MAK: variants seen among roughly 807,000 people sequenced by gnomAD.
The protein encoded by MAK is male germ cell associated kinase.
MAK carries 65 observed loss-of-function variants against 82.6 expected under a neutral mutation model. The ratio of observed to expected loss-of-function variants is 0.79; its 90% CI spans 0.64 to 0.97. The LOEUF (loss-of-function observed/expected upper bound fraction) is 0.97, where lower values mean the gene tolerates loss of function less well. Ranked by LOEUF, MAK falls within the 50% of genes least tolerant of loss-of-function variation. MAK has a pLI of 0.00. For missense variants in MAK, 703 were observed against 780.2 expected (o/e 0.90, Z 1.18); for synonymous variants, 250 against 274.2 (o/e 0.91, Z 0.87).
intron 11 of MAK, among the ~76,000 whole-genome samples, chr6:10,777,430 T>C (rs933722263): frequency 4.2e-4 from 64 of 151,854 alleles, no homozygotes; most frequent in African/African-American, 1.5e-3. Flanking sequence ...AAAATGTATT[T>C]ACCCAAAAAG....
chr6:10,827,998 G>A (rs1778509069), intron 2 of MAK, among the ~76,000 whole-genome samples: 1 of 152,076 alleles, frequency 6.6e-6, no homozygotes, highest in African/African-American at 2.4e-5. Context: ...TTTATCATAA[G>A]TTTTTTAAGA....
At chr6:10,821,890 G>A (rs1270847683) in intron 2 of MAK, among the ~76,000 whole-genome samples, 1 of 151,278 alleles carries the variant, frequency 6.6e-6, no homozygotes, top group African/African-American at 2.4e-5. Context: ...GCTCACACCT[G>A]TAATCCCAGC....
At chr6:10,795,618 T>C (rs955561869) in intron 9 of MAK, among the ~76,000 whole-genome samples, 2 of 150,662 alleles carry the variant, frequency 1.3e-5, no homozygotes, top group African/African-American at 4.9e-5. Flanking sequence ...GTGGTGGGCG[T>C]CTGTAATCCC....
At chr6:10,788,454 A>G (rs1458696831) in intron 10 of MAK, among the ~76,000 whole-genome samples, 1 of 152,138 alleles carries the variant, frequency 6.6e-6, no homozygotes, top group Non-Finnish European at 1.5e-5. Flanking sequence ...TCAAGTCGCC[A>G]GGTGCGGTGG....
Position 10,808,703 on chromosome 6 carries a change from G to A in MAK, c.491+107C>T, listed in dbSNP as rs3817829. 0.015 allele frequency: 16,290 copies of A among 1,086,382 alleles called. 1,408 individuals carry two copies. In the African/African-American group the frequency reaches 0.21, roughly 14 times the overall value. 67.3% of individuals were successfully genotyped at this position (1,086,382 alleles called of 1,614,324 possible). On this transcript the variant is annotated intron_variant, in intron 6 of 14. Transcript: ENST00000354489. ...TTTAAAGAATATAAAATTCAATTCTGTGTTTTAAATATTCAATATGGAACT... is the reference window on the plus strand; with the variant it reads ...TTTAAAGAATATAAAATTCAATTCTATGTTTTAAATATTCAATATGGAACT...
intron 5 of MAK, among the ~76,000 whole-genome samples, chr6:10,811,871 G>A (rs778494334): frequency 2.0e-5 from 3 of 152,018 alleles, no homozygotes; most frequent in Non-Finnish European, 4.4e-5. Context: ...AATAATTCCT[G>A]TAGCAGTTAA....
In MAK at chr6:10,776,862, G is replaced by A. The variant is rs951325654; in HGVS notation, c.1466-1403C>T. On this transcript the variant is annotated intron_variant, in intron 11 of 14. Coordinates refer to ENST00000354489, the MANE Select transcript of MAK (RefSeq NM_001242957.3). This position sits in a 1 kb window ranked among gnomAD's most constrained non-coding sequence, Gnocchi z 4.3. ...AGCACTTTGGGAGGCCGAGGCGGGC[G>A]GATCACGAGGTCAGGAGTTTGAGAC... Among the ~76,000 whole-genome samples the A allele has an allele frequency of 2.0e-5, 3 of 151,818 alleles. No homozygotes were observed. The highest frequency in any genetic ancestry group is 4.8e-5 in the African/African-American group (2 of 41,330).
At chr6:10,794,162 A>G (rs1452282840) in intron 9 of MAK, among the ~76,000 whole-genome samples, 3 of 152,170 alleles carry the variant, frequency 2.0e-5, no homozygotes, top group Admixed American at 6.6e-5. Context: ...AAAGCTAGAA[A>G]ACCAGATTTT....
At chr6:10,765,019 C>A (rs537036723) in intron 14 of MAK, among the ~76,000 whole-genome samples, 1 of 151,820 alleles carries the variant, frequency 6.6e-6, no homozygotes, top group African/African-American at 2.4e-5. Context: ...TCACTTGAAC[C>A]CGGGAGGCAG....
intron 9 of MAK, among the ~76,000 whole-genome samples, chr6:10,792,797 CA>C (rs1316553898): frequency 6.6e-6 from 1 of 152,136 alleles, no homozygotes; most frequent in Non-Finnish European, 1.5e-5. Flanking sequence ...TGGATGATAA[CA>C]AAAAGCAGTA....
rs60433793 is a variant in MAK, at chr6:10,797,635, A to C, written c.832-1326T>G. On this transcript the variant is annotated intron_variant, in intron 8 of 14. Coordinates refer to ENST00000354489, the MANE Select transcript of MAK (RefSeq NM_001242957.3). ...AAATACCTGGGCAAAGTAGCTGGTC[A>C]TTTTTGGGGGGATGGGTTCCTTAAG... 1.5e-4 allele frequency: 143 copies of C among 985,362 alleles called. 1 individual carries two copies. The East Asian group carries it at 0.012, about 86-fold the overall frequency. The allele number at this position is 985,362 out of a possible 1,614,324, so 61.0% of individuals were successfully genotyped here. A position where few individuals can be genotyped will look rare whatever the true frequency, so the allele number is the denominator to read the frequency against.
At chr6:10,819,879 G>C (rs560058678) in intron 2 of MAK, among the ~76,000 whole-genome samples, 2 of 152,112 alleles carry the variant, frequency 1.3e-5, no homozygotes, top group African/African-American at 4.8e-5. Flanking sequence ...TTGGGAGGCG[G>C]AGGCGGGTGG....
chr6:10,831,836 G>A (rs1457119822), intron 1 of MAK, among the ~76,000 whole-genome samples: 1 of 152,204 alleles, frequency 6.6e-6, no homozygotes, highest in East Asian at 1.9e-4. Flanking sequence ...AAACTTGAAT[G>A]AATGAGGAAG....
At chr6:10,798,684 A>G (rs1179417193) in intron 8 of MAK, among the ~76,000 whole-genome samples, 1 of 152,020 alleles carries the variant, frequency 6.6e-6, no homozygotes, top group African/African-American at 2.4e-5. Flanking sequence ...TTTGTATAAT[A>G]GTATTTTAGC....
At chr6:10,810,258 C>T (rs1776818618) in intron 5 of MAK, among the ~76,000 whole-genome samples, 1 of 151,664 alleles carries the variant, frequency 6.6e-6, no homozygotes, top group Non-Finnish European at 1.5e-5. Flanking sequence ...GTTCCAAAGG[C>T]CTTGGGAGGC....
Position 10,764,484 on chromosome 6 carries a change from C to T in MAK, c.1915G>A (p.Asp639Asn), listed in dbSNP as rs1454299493. The change falls in exon 15 of 15, where the codon GAC becomes AAC. Residue 639 changes from aspartate to asparagine, a missense_variant. By Grantham distance (23) the Asp-to-Asn change is conservative. Transcript: ENST00000354489. ...TGGCCTCCATACTTGGCCACCCAGT[C>T]TGTCCTCCCATGCACTGAGGGAATG... is the stretch of plus-strand genomic sequence containing the variant. ...QPIPSVHGRTDWVAKYGGHR is the reference protein window; with the variant it reads ...QPIPSVHGRTNWVAKYGGHR 1 of 1,614,108 alleles carries T rather than the reference C, an allele frequency of 6.2e-7. No individual in the cohort carries two copies. Among genetic ancestry groups the T allele is most frequent in the East Asian group, 2.2e-5 (1 of 44,876 alleles).
In MAK at chr6:10,770,104, T is replaced by C. The variant is rs1343977885; in HGVS notation, c.1792+7A>G. 1.2e-6 allele frequency: 2 copies of C among 1,614,206 alleles called. No individual in the cohort carries two copies. The highest frequency in any genetic ancestry group is 1.7e-6 in the Non-Finnish European group (2 of 1,180,024). On this transcript the variant is annotated splice_region_variant and intron_variant, in intron 14 of 14. Coordinates refer to ENST00000354489, the MANE Select transcript of MAK (RefSeq NM_001242957.3). ...ATCTAGAAAACTGTATCTGAAGTTG[T>C]TCCTACCTGAAGCCGTTGCATTGAG... is the stretch of plus-strand genomic sequence containing the variant.
At chr6:10,795,865 A>T (rs777010769) in intron 9 of MAK, 133 bp downstream of exon 9, 49 of 923,484 alleles carry the variant, frequency 5.3e-5, no homozygotes, top group Non-Finnish European at 7.9e-5. Flanking sequence ...TCAAGCTCCA[A>T]CCAGAGGACT....
At chr6:10,795,125 C>G (rs1052930733) in intron 9 of MAK, among the ~76,000 whole-genome samples, 3 of 152,108 alleles carry the variant, frequency 2.0e-5, no homozygotes, top group Admixed American at 2.0e-4. Context: ...GTACCCGATT[C>G]TTTTAAATTC....
Sources: allele counts gnomAD v4.1 joint callset (sites outside exome capture counted in the v4.1 genomes callset), GRCh38; gene constraint gnomAD v4.1.1; non-coding constraint Gnocchi (gnomAD v3.1); transcripts MANE v1.5; gene names NCBI Gene and HGNC (gene_info 2026-07-23, HGNC 2026-07-21).